The following TTLL8 variants were observed in gnomAD, a reference collection of about 807,000 sequenced individuals.
The protein encoded by TTLL8 is protein monoglycylase TTLL8.
In TTLL8, 65 loss-of-function variants were observed where a neutral mutation model predicts 77.8. The ratio of observed to expected loss-of-function variants is 0.84; its 90% CI spans 0.68 to 1.03. TTLL8 has a LOEUF of 1.03. Among genes scored for constraint, TTLL8 ranks in the 50% least tolerant of loss-of-function variants. The pLI is 0.00. For missense variants in TTLL8, 910 were observed against 1,004.5 expected (o/e 0.91, Z 1.27); for synonymous variants, 402 against 422.8 (o/e 0.95, Z 0.60).
rs1190701611 is a variant in TTLL8 at position 50,044,015 on chromosome 22, T to C, written c.643+1240A>G. ...GTTACCATGATGTGTCATTGTAGGT[T>C]CATCAATTGTGTTAAAATCATTAAT... On this transcript the variant is annotated intron_variant, in intron 6 of 13. Transcript: ENST00000266182. This position sits in a 1 kb window ranked among gnomAD's most constrained non-coding sequence, Gnocchi z 4.2. 6.6e-6 allele frequency among the ~76,000 whole-genome samples: 1 copy of C among 152,148 alleles called. No homozygotes were observed. The highest frequency in any genetic ancestry group is 1.5e-5 in the Non-Finnish European group (1 of 68,024).
At chr22:50,050,840 C>T (rs888477898) in intron 1 of TTLL8, among the ~76,000 whole-genome samples, 5 of 152,162 alleles carry the variant, frequency 3.3e-5, no homozygotes, top group Non-Finnish European at 7.4e-5. Context: ...GTATCACGAC[C>T]CTTTCACGTG....
At position 50,040,877 on chromosome 22, in the gene TTLL8, G is replaced by A. The variant is rs531714262; in HGVS notation, c.921+310C>T. 3.9e-5 allele frequency among the ~76,000 whole-genome samples: 6 copies of A among 152,252 alleles called. No homozygotes were observed. The East Asian group carries it at 5.8e-4, about 15-fold the overall frequency. On this transcript the variant is annotated intron_variant, in intron 8 of 13. Coordinates refer to ENST00000266182, the Ensembl canonical transcript of TTLL8. ...TGCCCAGCTCCTCTCTCTGGTGGCC[G>A]CTGTCAAGGGAGTGCTGAACCCCTG...
intron 1 of TTLL8, among the ~76,000 whole-genome samples, chr22:50,051,591 A>G (rs2061443879): frequency 6.6e-6 from 1 of 152,218 alleles, no homozygotes; most frequent in Non-Finnish European, 1.5e-5. Flanking sequence ...ATCTACTTTT[A>G]GTCCTTTAAG....
chr22:50,038,283 A>AT (rs907922124), intron 8 of TTLL8, among the ~76,000 whole-genome samples: 1 of 151,958 alleles, frequency 6.6e-6, no homozygotes, highest in Non-Finnish European at 1.5e-5. Context: ...TAAATATTAA[A>AT]TTTTTTATAT....
exon 12 of TTLL8, chr22:50,030,539 C>T (rs747520482): frequency 2.0e-5 from 27 of 1,325,144 alleles, no homozygotes; most frequent in Non-Finnish European, 2.7e-5. Context: ...TTTTGGCGGG[C>T]TGGGCTACGG....
rs760371231 is a variant in TTLL8 at position 50,047,185 on chromosome 22, CTG to C, written c.374_375del (p.Thr125SerfsTer39). On this transcript the variant is annotated frameshift_variant, in exon 4 of 14. Coordinates refer to ENST00000266182, the Ensembl canonical transcript of TTLL8. LOFTEE classifies it high-confidence loss of function. ...CGGCTCACCTTGGTGGTGAAGGAGG[CTG>C]TCTTTGCGTAGTGGTTCAGCATCTG... The C allele has an allele frequency of 7.3e-7, 1 of 1,367,498 alleles. No homozygotes were observed. The highest frequency in any genetic ancestry group is 9.8e-7 in the Non-Finnish European group (1 of 1,021,702). 84.7% of individuals were successfully genotyped at this position (1,367,498 alleles called of 1,614,324 possible). A position where few individuals can be genotyped will look rare whatever the true frequency, so the allele number is the denominator to read the frequency against.
chr22:50,051,721 T>C (rs1447724419), intron 1 of TTLL8, among the ~76,000 whole-genome samples: 2 of 152,234 alleles, frequency 1.3e-5, no homozygotes, highest in African/African-American at 4.8e-5. Context: ...TCTTTCATTA[T>C]GGCCATTCTT....
At chr22:50,046,515 G>A (rs985402883) in intron 4 of TTLL8, among the ~76,000 whole-genome samples, 1 of 152,260 alleles carries the variant, frequency 6.6e-6, no homozygotes, top group Non-Finnish European at 1.5e-5. Flanking sequence ...ACGCTGACTG[G>A]CTCTGCACAC....
intron 12 of TTLL8, among the ~76,000 whole-genome samples, chr22:50,026,939 T>TA (rs1176610600): frequency 2.0e-5 from 3 of 151,142 alleles, no homozygotes; most frequent in African/African-American, 4.9e-5. Context: ...AAACTTTATT[T>TA]AAAAAAAAAG....
At chr22:50,033,508 G>A in intron 9 of TTLL8, 63 bp from the exon 11 acceptor site, 2 of 1,304,238 alleles carry the variant, frequency 1.5e-6, no homozygotes, top group Non-Finnish European at 2.0e-6. Context: ...CTGAGCTCCT[G>A]AGCCCTGGGG....
At chr22:50,031,745 T>C (rs755240098) in exon 11 of TTLL8, 7 of 1,355,556 alleles carry the variant, frequency 5.2e-6, no homozygotes, top group Non-Finnish European at 6.9e-6. Context: ...GCCACCTTGA[T>C]GGTGTCCTCC....
At chr22:50,045,779 T>C in intron 5 of TTLL8, 77 bp downstream of exon 7, 1 of 1,267,134 alleles carries the variant, frequency 7.9e-7, no homozygotes, top group Non-Finnish European at 1.0e-6. Flanking sequence ...CCCATCAGTC[T>C]GTCTCAGCAC....
chr22:50,033,331 A>G (rs767802428), exon 10 of TTLL8: 3 of 1,365,448 alleles, frequency 2.2e-6, no homozygotes, highest in Non-Finnish European at 2.9e-6. Flanking sequence ...GGTGTCACAG[A>G]TGAGCAGCGG....
Position 50,045,502 on chromosome 22 carries a change from G to A in TTLL8, c.509-113C>T, listed in dbSNP as rs545108833. The A allele has an allele frequency of 3.4e-4, 305 of 893,772 alleles. 1 individual carries two copies. The African/African-American group carries it at 4.7e-3, about 14-fold the overall frequency. 55.4% of individuals were successfully genotyped at this position (893,772 alleles called of 1,614,324 possible). ...CGCCCCACTTCCCGCCCTCATAGCC[G>A]ATGGGGCCCAGGCCTGCTCCCACAC... On this transcript the variant is annotated intron_variant, in intron 5 of 13. Coordinates refer to ENST00000266182, the Ensembl canonical transcript of TTLL8.
intron 12 of TTLL8, among the ~76,000 whole-genome samples, chr22:50,022,604 T>A (rs1569218644): frequency 6.6e-6 from 1 of 151,896 alleles, no homozygotes; most frequent in Non-Finnish European, 1.5e-5. Flanking sequence ...TGTGTACTCC[T>A]CCATCTGATG....
rs1039988792 is a variant in TTLL8, at chr22:50,045,536, T to A, written c.509-147A>T. On this transcript the variant is annotated intron_variant, in intron 5 of 13. Transcript: ENST00000266182. ...CAGGCCTGCTCCCACACCCCCAGTC[T>A]GCCTGCCCTTCTCCCTGCAGTGTCT... The A allele has an allele frequency of 1.7e-5, 12 of 700,988 alleles. No individual in the cohort carries two copies. The African/African-American group carries it at 2.2e-4, about 13-fold the overall frequency. 43.4% of individuals were successfully genotyped at this position (700,988 alleles called of 1,614,324 possible). A position where few individuals can be genotyped will look rare whatever the true frequency, so the allele number is the denominator to read the frequency against.
rs765266882 is a variant in TTLL8, at chr22:50,033,460, C to T, written c.1040-15G>A. On this transcript the variant is annotated splice_polypyrimidine_tract_variant and intron_variant, in intron 9 of 13. Transcript: ENST00000266182. ...GCACACTATGTCTGCAAGAGGCCAC[C>T]GCTCAACCCAGCATGCACAGCCACT... The T allele has an allele frequency of 1.0e-5, 14 of 1,354,084 alleles. No individual in the cohort carries two copies. The highest frequency in any genetic ancestry group is 4.4e-5 in the African/African-American group (3 of 67,644). 83.9% of individuals were successfully genotyped at this position (1,354,084 alleles called of 1,614,324 possible).
rs367886551 is a variant in TTLL8, at chr22:50,030,336, C to T, written c.2203+94G>A. 1,514 of 1,149,068 alleles carry T rather than the reference C, an allele frequency of 1.3e-3. 29 individuals carry two copies. The South Asian group carries it at 0.016, about 12-fold the overall frequency. 71.2% of individuals were successfully genotyped at this position (1,149,068 alleles called of 1,614,324 possible). On this transcript the variant is annotated intron_variant, in intron 12 of 13. Coordinates refer to ENST00000266182, the Ensembl canonical transcript of TTLL8. ...CCCCAGCACCGAAGCCTGCCCTGCG[C>T]CCCGCTCTGGAGGATGCAGCGGCTG...
Position 50,041,771 on chromosome 22 carries a change from G to A in TTLL8, c.680C>T (p.Pro227Leu), listed in dbSNP as rs775949233. ...GCACGCGATGTCCACAAGCTGCCCC[G>A]GGAGGCCCCTGAGCTTTGCCTCAGC... The change falls in exon 7 of 14, where the codon CCG becomes CTG. Residue 227 changes from proline (P) to leucine (L), a missense_variant. Around this residue, in one of 2 missense-constraint regions of TTLL8, gnomAD observed 776 missense variants for 926.1 expected, o/e 0.84. Transcript: ENST00000266182. The surrounding 1 kb of genome is among the most constrained non-coding windows in gnomAD (Gnocchi z 4.3). The A allele has an allele frequency of 1.6e-5, 22 of 1,364,136 alleles. No homozygotes were observed. The highest frequency in any genetic ancestry group is 4.2e-4 in the Middle Eastern group (2 of 4,762). 84.5% of individuals were successfully genotyped at this position (1,364,136 alleles called of 1,614,324 possible).
Sources: gnomAD v4.1 joint callset for allele counts (sites outside exome capture counted in the v4.1 genomes callset) on GRCh38, gnomAD v4.1.1 for gene constraint, gnomAD v4.1.1 regional missense constraint, Gnocchi (gnomAD v3.1) non-coding constraint, MANE v1.5 for transcripts, NCBI Gene and HGNC (gene_info 2026-07-23, HGNC 2026-07-21) for gene names.